The following ZNF248 variants were observed in gnomAD, a reference collection of about 807,000 sequenced individuals.
ZNF248 encodes KRAB protein domain.
ZNF248 carries 20 observed loss-of-function variants against 44.3 expected under a neutral mutation model. The observed-to-expected ratio is 0.45, with a 90% CI of 0.32 to 0.66. The LOEUF (loss-of-function observed/expected upper bound fraction) is 0.66. ZNF248 is among the 30% of genes least tolerant of loss of function. ZNF248 has a pLI of 0.04. For synonymous variants in ZNF248, 224 were observed against 229.0 expected (o/e 0.98, Z 0.20); for missense variants, 654 against 677.0 (o/e 0.97, Z 0.38).
At chr10:37,817,682 G>T (rs780407000) in intron 6 of ZNF248, among the ~76,000 whole-genome samples, 42 of 152,212 alleles carry the variant, frequency 2.8e-4, no homozygotes, top group African/African-American at 9.6e-4. Context: ...TATAAAAAAG[G>T]GGAGAGGGAA....
At chr10:37,843,452 A>G (rs2058726013) in intron 3 of ZNF248, among the ~76,000 whole-genome samples, 1 of 151,880 alleles carries the variant, frequency 6.6e-6, no homozygotes, top group Non-Finnish European at 1.5e-5. Flanking sequence ...AAAAAAGAAA[A>G]ACAGCAAACC....
intron 3 of ZNF248, among the ~76,000 whole-genome samples, chr10:37,843,874 G>GA (rs1302522634): frequency 2.6e-5 from 4 of 151,840 alleles, no homozygotes; most frequent in Non-Finnish European, 4.4e-5. Flanking sequence ...GAGCAGAACA[G>GA]AAAAAAATAT....
intron 6 of ZNF248, among the ~76,000 whole-genome samples, chr10:37,784,887 T>A (rs2047706651): frequency 1.3e-5 from 2 of 152,150 alleles, no homozygotes; most frequent in African/African-American, 4.8e-5. Flanking sequence ...AACACCTATG[T>A]CAGCATTTTG....
At chr10:37,849,120 GAGAA>G (rs1371873031) in intron 3 of ZNF248, among the ~76,000 whole-genome samples, 1 of 152,024 alleles carries the variant, frequency 6.6e-6, no homozygotes, top group Non-Finnish European at 1.5e-5. Context: ...AGCTTTCAGG[GAGAA>G]AGAAAGAGCA....
intron 6 of ZNF248, chr10:37,795,281 G>C (rs376299503): frequency 6.6e-6 from 1 of 152,128 alleles, no homozygotes; most frequent in Admixed American, 6.5e-5. Flanking sequence ...TTGTTGATGA[G>C]TAACCAAAGG....
At chr10:37,818,370 C>T (rs185925804) in intron 6 of ZNF248, among the ~76,000 whole-genome samples, 20 of 152,264 alleles carry the variant, frequency 1.3e-4, no homozygotes, top group Admixed American at 6.5e-4. Flanking sequence ...TGGCCATTGA[C>T]GCCAGAACCT....
intron 3 of ZNF248, among the ~76,000 whole-genome samples, chr10:37,839,979 CAT>C (rs1397909242): frequency 6.6e-6 from 1 of 152,192 alleles, no homozygotes; most frequent in African/African-American, 2.4e-5. Flanking sequence ...ATAAAAAACA[CAT>C]GTTCTCAGAC....
chr10:37,831,953 C>T lies in ZNF248; in HGVS notation c.1402G>A (p.Ala468Thr), dbSNP rs777764019. 1.2e-6 allele frequency: 2 copies of T among 1,614,012 alleles called. No individual in the cohort carries two copies. The highest frequency in any genetic ancestry group is 1.7e-6 in the Non-Finnish European group (2 of 1,179,924). ...HTGEKPYECN[A>T]CGKSFCHRSA... ...CTGTGGCAGAAGGATTTCCCACATG[C>T]ATTACATTCATAGGGCTTCTCCCCT... is the stretch of plus-strand genomic sequence containing the variant. Residue 468 changes from alanine to threonine, a missense_variant, in exon 6 of 6, where the codon GCA becomes ACA. Ala to Thr is a moderately conservative substitution (Grantham distance 58, BLOSUM62 0). Transcript: ENST00000395867.
chr10:37,853,089 C>G (rs1429786137), intron 3 of ZNF248, among the ~76,000 whole-genome samples: 1 of 151,812 alleles, frequency 6.6e-6, no homozygotes, highest in African/African-American at 2.4e-5. Context: ...CGTGATCTGC[C>G]CGCCTTGGCC....
rs746988612 is a variant in ZNF248, at chr10:37,831,624, T to C, written c.1731A>G (p.Ser577=). ...QRIHTRVKAL[S]TS ...TGAAGGCTTCTAACATTCAGGATGT[T>C]GAAAGAGCTTTCACCCTTGTGTGAA... is the stretch of plus-strand genomic sequence containing the variant. Residue 577 remains serine, a synonymous_variant, in exon 6 of 6, where the codon TCA becomes TCG. Coordinates refer to ENST00000395867, the MANE Select transcript of ZNF248 (RefSeq NM_021045.3). 15 of 1,612,322 alleles carry C rather than the reference T, an allele frequency of 9.3e-6. No homozygotes were observed. Among genetic ancestry groups the C allele is most frequent in the Non-Finnish European group, 1.1e-5 (13 of 1,178,700 alleles).
At chr10:37,827,283 A>G (rs1231711036), downstream of ZNF248, among the ~76,000 whole-genome samples, 4 of 152,194 alleles carry the variant, frequency 2.6e-5, no homozygotes, top group African/African-American at 9.7e-5. Context: ...GGGGATCAGT[A>G]AAGGGAGAAT....
intron 6 of ZNF248, among the ~76,000 whole-genome samples, chr10:37,799,884 A>T (rs1453052813): frequency 3.3e-5 from 5 of 152,104 alleles, no homozygotes; most frequent in Admixed American, 3.3e-4. Context: ...AGATTGATTC[A>T]AGACTTAAAT....
intron 3 of ZNF248, among the ~76,000 whole-genome samples, chr10:37,854,519 T>A (rs1450159866): frequency 6.6e-6 from 1 of 152,204 alleles, no homozygotes; most frequent in Non-Finnish European, 1.5e-5. Context: ...GCAAACTATA[T>A]GAAATACCAC....
At chr10:37,763,621 T>C in the ZNF248 span, among the ~76,000 whole-genome samples, 1 of 152,142 alleles carries the variant, frequency 6.6e-6, no homozygotes, top group Non-Finnish European at 1.5e-5. Flanking sequence ...GTTATTAAAG[T>C]AAGGATTTTA....
intron 6 of ZNF248, among the ~76,000 whole-genome samples, chr10:37,821,639 G>A (rs113941049): frequency 2.5e-3 from 388 of 152,230 alleles, no homozygotes; most frequent in Non-Finnish European, 4.7e-3. Context: ...AAGCAACAAA[G>A]GCAACCACAG....
chr10:37,772,311 C>A (rs950848131), downstream of ZNF248, among the ~76,000 whole-genome samples: 1 of 151,796 alleles, frequency 6.6e-6, no homozygotes, highest in Non-Finnish European at 1.5e-5. Context: ...CATTTACAGC[C>A]ATTTTTAGAG....
intron 6 of ZNF248, among the ~76,000 whole-genome samples, chr10:37,817,856 C>G (rs1163398551): frequency 6.6e-6 from 1 of 152,026 alleles, no homozygotes; most frequent in African/African-American, 2.4e-5. Context: ...ATTAAAAGAA[C>G]AAGTCTAAAT....
downstream of ZNF248, among the ~76,000 whole-genome samples, chr10:37,774,698 A>C (rs1260478867): frequency 1.3e-5 from 2 of 152,210 alleles, no homozygotes; most frequent in African/African-American, 2.4e-5. Flanking sequence ...TGTCAACTAC[A>C]TCACTTTCAT....
downstream of ZNF248, among the ~76,000 whole-genome samples, chr10:37,773,917 T>G (rs2046380881): frequency 6.6e-6 from 1 of 152,108 alleles, no homozygotes; most frequent in Non-Finnish European, 1.5e-5. Context: ...GCTCCCAGCC[T>G]GCTGGCCTGC....
Sources: allele counts gnomAD v4.1 joint callset (sites outside exome capture counted in the v4.1 genomes callset), GRCh38; gene constraint gnomAD v4.1.1; transcripts MANE v1.5; gene names NCBI Gene and HGNC (gene_info 2026-07-23, HGNC 2026-07-21).